TMEM255B: variants seen among roughly 807,000 people sequenced by gnomAD.
TMEM255B encodes transmembrane protein 255B.
TMEM255B carries 35 observed loss-of-function variants against 34.5 expected under a neutral mutation model. That is an observed-to-expected ratio of 1.01 (90% CI 0.77 to 1.34). The LOEUF is 1.34. Among genes scored for constraint, TMEM255B ranks in the 40% most tolerant of loss-of-function variants. The pLI is 0.00. For missense variants in TMEM255B, 432 were observed against 433.2 expected (o/e 1.00, Z 0.02); for synonymous variants, 206 against 201.2 (o/e 1.02, Z -0.20).
rs116579033 is a variant in TMEM255B, at chr13:113,806,429, C to T, written c.813+1401C>T. On this transcript the variant is annotated intron_variant, in intron 8 of 8. Coordinates refer to ENST00000375353, the MANE Select transcript of TMEM255B (RefSeq NM_182614.4). This position sits in a 1 kb window ranked among gnomAD's most constrained non-coding sequence, Gnocchi z 4.2. ...TGACCAGGGCCTGACAACATCTCCTCGTGGAGGGATCCCTGCACCTCATAC... is the reference window on the plus strand; with the variant it reads ...TGACCAGGGCCTGACAACATCTCCTTGTGGAGGGATCCCTGCACCTCATAC... 5.9e-3 allele frequency among the ~76,000 whole-genome samples: 894 copies of T among 152,242 alleles called. 19 individuals are homozygous for T. Among genetic ancestry groups the T allele is most frequent in the African/African-American group, 0.02 (824 of 41,542 alleles).
Position 113,815,560 on chromosome 13 carries a change from G to A in TMEM255B, c.*3657G>A, listed in dbSNP as rs1271353571. On this transcript the variant is annotated 3_prime_UTR_variant, in exon 9 of 9. Coordinates refer to ENST00000375353, the MANE Select transcript of TMEM255B (RefSeq NM_182614.4). ...GTGCTATTCTCGTGATAGTGAGTAA[G>A]TCTCACGAGATCTGACTGGTTGATC... is the stretch of plus-strand genomic sequence containing the variant. 6.6e-6 allele frequency: 1 copy of A among 152,654 alleles called. No homozygotes were observed. Among genetic ancestry groups the A allele is most frequent in the Non-Finnish European group, 1.5e-5 (1 of 68,346 alleles). 9.5% of individuals were successfully genotyped at this position (152,654 alleles called of 1,614,324 possible). A position where few individuals can be genotyped will look rare whatever the true frequency, so the allele number is the denominator to read the frequency against.
intron 1 of TMEM255B, among the ~76,000 whole-genome samples, chr13:113,763,675 T>C (rs186588808): frequency 1.3e-5 from 2 of 152,256 alleles, no homozygotes; most frequent in Non-Finnish European, 2.9e-5. Flanking sequence ...AATTTTATTT[T>C]CCCTTTTGCA....
At chr13:113,759,479 C>T (rs1427583974) in intron 1 of TMEM255B, among the ~76,000 whole-genome samples, 164 bp downstream of exon 1, 1 of 152,258 alleles carries the variant, frequency 6.6e-6, no homozygotes, top group East Asian at 1.9e-4. Flanking sequence ...GAACACTTTG[C>T]ATTTCGCACT....
chr13:113,805,076 G>C, intron 8 of TMEM255B, 48 bp downstream of exon 8: 1 of 1,540,258 alleles, frequency 6.5e-7, no homozygotes, highest in South Asian at 1.2e-5. Context: ...GTCACAGGCA[G>C]TGGGATGGAC....
At chr13:113,761,463 G>A (rs2050307321) in intron 1 of TMEM255B, 1 of 700,992 alleles carries the variant, frequency 1.4e-6, no homozygotes, top group African/African-American at 2.0e-5. Context: ...GGTGGGGAGT[G>A]ACAAGGTGAT....
At chr13:113,783,348 C>T (rs567898571) in intron 3 of TMEM255B, among the ~76,000 whole-genome samples, 2 of 152,314 alleles carry the variant, frequency 1.3e-5, no homozygotes, top group South Asian at 2.1e-4. Context: ...GGGCCTGCAT[C>T]GTTAGCCACT....
At position 113,812,894 on chromosome 13, in the gene TMEM255B, C is replaced by CCGGGTGGGTCACAGGACAGGTCT. The variant is rs1566341609; in HGVS notation, c.*997_*998insGGTCACAGGACAGGTCTCGGGTG. On this transcript the variant is annotated 3_prime_UTR_variant, in exon 9 of 9. Coordinates refer to ENST00000375353, the MANE Select transcript of TMEM255B (RefSeq NM_182614.4). ...ACAGGTCCCGAGTGGGTCACAGGCC[C>CCGGGTGGGTCACAGGACAGGTCT]CGGGTGAGTCACAGGCCCCGGGTGA... The CCGGGTGGGTCACAGGACAGGTCT allele has an allele frequency of 3.8e-5, 5 of 132,660 alleles. No individual in the cohort carries two copies. Among genetic ancestry groups the CCGGGTGGGTCACAGGACAGGTCT allele is most frequent in the African/African-American group, 1.5e-4 (5 of 33,228 alleles). 8.2% of individuals were successfully genotyped at this position (132,660 alleles called of 1,614,324 possible).
intron 1 of TMEM255B, among the ~76,000 whole-genome samples, chr13:113,760,100 A>T (rs1248996167): frequency 6.6e-6 from 1 of 152,086 alleles, no homozygotes. Context: ...TGACGGCTGG[A>T]GGGAGGGATG....
intron 3 of TMEM255B, among the ~76,000 whole-genome samples, chr13:113,778,385 C>G (rs964855508): frequency 1.2e-4 from 18 of 152,132 alleles, no homozygotes; most frequent in Non-Finnish European, 1.0e-4. Context: ...GGCGTCTTCT[C>G]CCGGGTGAGT....
At chr13:113,799,530 C>G (rs1353797674) in intron 5 of TMEM255B, 111 bp downstream of exon 5, 1 of 1,006,090 alleles carries the variant, frequency 9.9e-7, no homozygotes, top group African/African-American at 1.6e-5. Flanking sequence ...CTAATAGTTC[C>G]TGGGGGTCAC....
intron 7 of TMEM255B, among the ~76,000 whole-genome samples, chr13:113,803,656 GGA>G (rs1477801608): frequency 8.5e-6 from 1 of 118,102 alleles, no homozygotes; most frequent in African/African-American, 2.9e-5. Context: ...CCTCCCTCAC[GGA>G]GCACGACCCT....
At chr13:113,774,512 G>A (rs1459550226) in intron 3 of TMEM255B, among the ~76,000 whole-genome samples, 2 of 151,044 alleles carry the variant, frequency 1.3e-5, no homozygotes, top group Non-Finnish European at 2.9e-5. Context: ...AGACACACAC[G>A]ACACACTCCA....
In TMEM255B at chr13:113,799,685, C is replaced by T. The variant is rs557727207; in HGVS notation, c.423+266C>T. 1.5e-5 allele frequency: 10 copies of T among 680,580 alleles called. No individual in the cohort carries two copies. In the South Asian group the frequency reaches 1.6e-4, roughly 11 times the overall value. 42.2% of individuals were successfully genotyped at this position (680,580 alleles called of 1,614,324 possible). A position where few individuals can be genotyped will look rare whatever the true frequency, so the allele number is the denominator to read the frequency against. On this transcript the variant is annotated intron_variant, in intron 5 of 8. Transcript: ENST00000375353. ...AGTGCACGTGTCCAGTTCTGTATGG[C>T]TCTTCCAATTAGCATTTTTCTAATT...
intron 3 of TMEM255B, among the ~76,000 whole-genome samples, chr13:113,791,791 GC>G (rs772060953): frequency 6.6e-6 from 1 of 152,220 alleles, no homozygotes; most frequent in Non-Finnish European, 1.5e-5. Flanking sequence ...TGGGAATTGT[GC>G]CCAACAGAAA....
At chr13:113,775,327 C>T (rs979759274) in intron 3 of TMEM255B, among the ~76,000 whole-genome samples, 11 of 152,230 alleles carry the variant, frequency 7.2e-5, no homozygotes, top group African/African-American at 1.7e-4. Context: ...GCCTTCCTTG[C>T]GCCCTGCTTA....
At chr13:113,763,364 AGTTT>A (rs1184495302) in intron 1 of TMEM255B, among the ~76,000 whole-genome samples, 1 of 152,190 alleles carries the variant, frequency 6.6e-6, no homozygotes, top group African/African-American at 2.4e-5. Context: ...ACCAGAACGG[AGTTT>A]CACCCACGGG....
Position 113,811,919 on chromosome 13 carries a change from A to G in TMEM255B, c.*16A>G, listed in dbSNP as rs753875697. ...CGCACCCTGATAGAGGCGTGGAGTA[A>G]AAGATAACTTGTTTGTTTTTTTTTT... On this transcript the variant is annotated 3_prime_UTR_variant, in exon 9 of 9. Coordinates refer to ENST00000375353, the MANE Select transcript of TMEM255B (RefSeq NM_182614.4). 3.9e-6 allele frequency: 6 copies of G among 1,556,684 alleles called. No homozygotes were observed. In the East Asian group the frequency reaches 1.1e-4, roughly 30 times the overall value.
intron 3 of TMEM255B, among the ~76,000 whole-genome samples, chr13:113,784,125 C>T (rs544591501): frequency 1.3e-5 from 2 of 152,100 alleles, no homozygotes; most frequent in South Asian, 4.2e-4. Context: ...CCCTGTAAGC[C>T]AAGTTTGGTG....
intron 7 of TMEM255B, among the ~76,000 whole-genome samples, chr13:113,804,383 G>A (rs2051123501): frequency 6.6e-6 from 1 of 152,192 alleles, no homozygotes; most frequent in South Asian, 2.1e-4. Flanking sequence ...CTCCCCACCT[G>A]CACCCTTCTG....
Sources: gnomAD v4.1 joint callset for allele counts (sites outside exome capture counted in the v4.1 genomes callset) on GRCh38, gnomAD v4.1.1 for gene constraint, Gnocchi (gnomAD v3.1) non-coding constraint, MANE v1.5 for transcripts, NCBI Gene and HGNC (gene_info 2026-07-23, HGNC 2026-07-21) for gene names.